Variants in ITGB4 observed in about 807,000 individuals in gnomAD.
ITGB4 encodes integrin beta-4.
Under a neutral mutation model 207.6 loss-of-function variants are expected in ITGB4, and 159 were observed. That is an observed-to-expected ratio of 0.77 (90% CI 0.67 to 0.87). ITGB4 has a LOEUF of 0.87. ITGB4 is among the 40% of genes least tolerant of loss of function. ITGB4 has a pLI of 0.00. For missense variants in ITGB4, 2,278 were observed against 2,546.8 expected (o/e 0.89, Z 2.27); for synonymous variants, 1,020 against 1,062.7 (o/e 0.96, Z 0.78).
In ITGB4 at chr17:75,733,679, G is replaced by A; in HGVS notation, c.1644G>A (p.Gly548=). The stretch of plus-strand genomic sequence containing the variant: ...ACTTCCAGTGTCCCCGCACTTCCGG[G>A]TTCCTCTGCAATGGTGAGCACAACA... The part of the protein sequence containing the change: ...YDNFQCPRTS[G]FLCNDRGRCS... The change falls in exon 13 of 40, where the codon GGG becomes GGA. Residue 548 remains glycine, a synonymous_variant. Coordinates refer to ENST00000200181, the MANE Select transcript of ITGB4 (RefSeq NM_000213.5). The A allele has an allele frequency of 1.2e-6, 2 of 1,614,060 alleles. No individual in the cohort carries two copies. The highest frequency in any genetic ancestry group is 4.5e-5 in the East Asian group (2 of 44,892).
At position 75,736,639 on chromosome 17, in the gene ITGB4, G is replaced by A; in HGVS notation, c.1935G>A (p.Gly645=). The A allele has an allele frequency of 6.2e-7, 1 of 1,600,836 alleles. No individual in the cohort carries two copies. Among genetic ancestry groups the A allele is most frequent in the Non-Finnish European group, 8.5e-7 (1 of 1,174,718 alleles). ...CGTGGGGCACCGGCGAGAAGAAGGG[G>A]CGCACGTGTGAGGAATGCAACTTCA... is the stretch of plus-strand genomic sequence containing the variant. ...CQAWGTGEKK[G]RTCEECNFKV... The change falls in exon 16 of 40, where the codon GGG becomes GGA. Residue 645 remains glycine (G), a synonymous_variant. Coordinates refer to ENST00000200181, the MANE Select transcript of ITGB4 (RefSeq NM_000213.5).
chr17:75,722,719 C>T lies in ITGB4; in HGVS notation c.-11+1107C>T, dbSNP rs1361719353. On this transcript the variant is annotated intron_variant, in intron 1 of 39. Coordinates refer to ENST00000200181, the MANE Select transcript of ITGB4 (RefSeq NM_000213.5). The surrounding 1 kb of genome is among the most constrained non-coding windows in gnomAD (Gnocchi z 6.2). ...GGGTCCCCAGGGGTTGGGATGGGGG[C>T]CAGGGGAGCTCTGAGCCTGTGGGTG... Among the ~76,000 whole-genome samples, 2 of 143,664 alleles carry T rather than the reference C, an allele frequency of 1.4e-5. No homozygotes were observed. The highest frequency in any genetic ancestry group is 5.2e-5 in the African/African-American group (2 of 38,522). The allele number at this position is 143,664 out of a possible 152,430, so 94.2% of individuals were successfully genotyped here. A position where few individuals can be genotyped will look rare whatever the true frequency, so the allele number is the denominator to read the frequency against.
At chr17:75,741,059 C>T (rs1407032454) in intron 23 of ITGB4, 54 bp downstream of exon 23, 1 of 1,592,920 alleles carries the variant, frequency 6.3e-7, no homozygotes, top group Non-Finnish European at 8.5e-7. Context: ...CGCCTGTCCC[C>T]AGCCCAGCCA....
chr17:75,735,951 T>A, intron 13 of ITGB4, 100 bp from the exon 14 acceptor site: 1 of 1,092,668 alleles, frequency 9.2e-7, no homozygotes, highest in South Asian at 1.2e-5. Flanking sequence ...GCACCCTGGC[T>A]CCCACAGCTC....
chr17:75,724,309 G>T (rs2060674296), intron 1 of ITGB4, among the ~76,000 whole-genome samples: 1 of 152,232 alleles, frequency 6.6e-6, no homozygotes, highest in Admixed American at 6.5e-5. Flanking sequence ...TCTCAGGGAG[G>T]CACCCTCATT....
Position 75,743,776 on chromosome 17 carries a change from G to T in ITGB4, c.3026G>T (p.Arg1009Leu), listed in dbSNP as rs377527264. The T allele has an allele frequency of 6.2e-7, 1 of 1,613,406 alleles. No individual in the cohort carries two copies. Among genetic ancestry groups the T allele is most frequent in the Non-Finnish European group, 8.5e-7 (1 of 1,179,956 alleles). The change falls in exon 26 of 40, where the codon CGC becomes CTC. Residue 1009 changes from arginine (R) to leucine (L), a missense_variant. By Grantham distance (102) the Arg-to-Leu change is moderately radical. Coordinates refer to ENST00000200181, the MANE Select transcript of ITGB4 (RefSeq NM_000213.5). ...GTCAGCCGCGGGGACCAGGTGGCCC[G>T]CATCCCTGTCATCCGGCGTGTCCTG... Reference protein sequence around the residue: ...FSVSRGDQVARIPVIRRVLDG... With the variant: ...FSVSRGDQVALIPVIRRVLDG...
rs1326108681 is a variant in ITGB4 at position 75,740,246 on chromosome 17, C to T, written c.2447-112C>T. ...CTCATGCCTCGGTGTGCGTGGCCTGCTGGCCAGGCATCCCCTGATCCTAGC... is the reference window on the plus strand; with the variant it reads ...CTCATGCCTCGGTGTGCGTGGCCTGTTGGCCAGGCATCCCCTGATCCTAGC... On this transcript the variant is annotated intron_variant, in intron 20 of 39. Coordinates refer to ENST00000200181, the MANE Select transcript of ITGB4 (RefSeq NM_000213.5). The surrounding 1 kb of genome is among the most constrained non-coding windows in gnomAD (Gnocchi z 5.9). 8.0e-7 allele frequency: 1 copy of T among 1,249,388 alleles called. No homozygotes were observed. The highest frequency in any genetic ancestry group is 1.1e-6 in the Non-Finnish European group (1 of 877,942). The allele number at this position is 1,249,388 out of a possible 1,614,324, so 77.4% of individuals were successfully genotyped here.
rs1443289189 is a variant in ITGB4 at position 75,733,586 on chromosome 17, G to C, written c.1551G>C (p.Glu517Asp). 6.2e-7 allele frequency: 1 copy of C among 1,614,150 alleles called. No individual in the cohort carries two copies. The highest frequency in any genetic ancestry group is 8.5e-7 in the Non-Finnish European group (1 of 1,180,038). Residue 517 changes from glutamate (E) to aspartate (D), a missense_variant, in exon 13 of 40, where the codon GAG (glutamate) becomes GAC (aspartate). Glu to Asp is a conservative substitution (Grantham distance 45). Coordinates refer to ENST00000200181, the MANE Select transcript of ITGB4 (RefSeq NM_000213.5). The part of the protein sequence containing the change: ...GEDKPCSGRG[E>D]CQCGHCVCYG... Reference sequence around the variant, plus strand: ...ACAAGCCGTGCTCCGGCCGTGGGGAGTGCCAGTGCGGGCACTGTGTGTGCT... The same window carrying C: ...ACAAGCCGTGCTCCGGCCGTGGGGACTGCCAGTGCGGGCACTGTGTGTGCT...
At position 75,740,524 on chromosome 17, in the gene ITGB4, GGCAGA is replaced by G; in HGVS notation, c.2550+66_2550+70del. 7.4e-7 allele frequency: 1 copy of G among 1,357,562 alleles called. No individual in the cohort carries two copies. The highest frequency in any genetic ancestry group is 1.1e-6 in the Non-Finnish European group (1 of 951,500). 84.1% of individuals were successfully genotyped at this position (1,357,562 alleles called of 1,614,324 possible). A position where few individuals can be genotyped will look rare whatever the true frequency, so the allele number is the denominator to read the frequency against. On this transcript the variant is annotated intron_variant, in intron 21 of 39. Coordinates refer to ENST00000200181, the MANE Select transcript of ITGB4 (RefSeq NM_000213.5). The surrounding 1 kb of genome is among the most constrained non-coding windows in gnomAD (Gnocchi z 5.9). ...GTATGAGGGCGGGTGAGGTGGGCAG[GGCAGA>G]GCGAATGCGGTCGTGGTACCGAGAT...
Position 75,732,335 on chromosome 17 carries a change from C to G in ITGB4, c.1454+96C>G. ...GGCCTGGCCCTGGGTGCACCTTGTA[C>G]ACCTGGCTGGGGGTGGGGCGGCAAT... On this transcript the variant is annotated intron_variant, in intron 12 of 39. Transcript: ENST00000200181. This position sits in a 1 kb window ranked among gnomAD's most constrained non-coding sequence, Gnocchi z 5.3. The G allele has an allele frequency of 8.2e-7, 1 of 1,219,672 alleles. No homozygotes were observed. Among genetic ancestry groups the G allele is most frequent in the Non-Finnish European group, 1.2e-6 (1 of 830,052 alleles). The allele number at this position is 1,219,672 out of a possible 1,614,324, so 75.6% of individuals were successfully genotyped here. A position where few individuals can be genotyped will look rare whatever the true frequency, so the allele number is the denominator to read the frequency against.
rs377428995 is a variant in ITGB4 at position 75,739,692 on chromosome 17, G to A, written c.2241G>A (p.Pro747=). 25 of 1,613,994 alleles carry A rather than the reference G, an allele frequency of 1.5e-5. No individual in the cohort carries two copies. Among genetic ancestry groups the A allele is most frequent in the Middle Eastern group, 3.3e-4 (2 of 6,082 alleles). ...ACCKACLALL[P]CCNRGHMVGF... is the part of the protein sequence containing the mutation. ...CCTAGGCCTGCCTGGCACTTCTCCC[G>A]TGCTGCAACCGAGGTATGGGCCTGG... is the stretch of plus-strand genomic sequence containing the variant. Residue 747 remains proline, a synonymous_variant, in exon 19 of 40, where the codon CCG becomes CCA. Transcript: ENST00000200181. This position sits in a 1 kb window ranked among gnomAD's most constrained non-coding sequence, Gnocchi z 5.4.
In ITGB4 at chr17:75,731,344, C is replaced by T. The variant is rs780184035; in HGVS notation, c.1191C>T (p.Ser397=). The change falls in exon 10 of 40, where the codon TCC becomes TCT. Residue 397 remains serine, a synonymous_variant. Transcript: ENST00000200181. The surrounding 1 kb of genome is among the most constrained non-coding windows in gnomAD (Gnocchi z 6.8). ...TGTTCCAGAAGACGAGGACTGGGTC[C>T]TTTCACATCCGGCGGGGGGAAGTGG... ...SKMFQKTRTG[S]FHIRRGEVGI... is the part of the protein sequence containing the mutation. 4 of 1,613,052 alleles carry T rather than the reference C, an allele frequency of 2.5e-6. No individual in the cohort carries two copies. Among genetic ancestry groups the T allele is most frequent in the South Asian group, 1.1e-5 (1 of 91,084 alleles).
At position 75,750,195 on chromosome 17, in the gene ITGB4, A is replaced by G. The variant is rs768641594; in HGVS notation, c.3401A>G (p.Asn1134Ser). 9.9e-6 allele frequency: 16 copies of G among 1,613,704 alleles called. No homozygotes were observed. Among genetic ancestry groups the G allele is most frequent in the East Asian group, 4.5e-5 (2 of 44,898 alleles). The change falls in exon 28 of 40, where the codon AAT becomes AGT. Residue 1134 changes from asparagine to serine, a missense_variant. Transcript: ENST00000200181. The surrounding 1 kb of genome is among the most constrained non-coding windows in gnomAD (Gnocchi z 5.5). ...HGDLGAPQNP[N>S]AKAAGSRKIH... ...GACCTGGGCGCCCCGCAGAACCCCA[A>G]TGCTAAGGCCGCTGGGTCCAGGAAG...
At chr17:75,743,535 T>C (rs1195081202) in intron 25 of ITGB4, among the ~76,000 whole-genome samples, 178 bp from the exon 26 acceptor site, 1 of 152,006 alleles carries the variant, frequency 6.6e-6, no homozygotes, top group Non-Finnish European at 1.5e-5. Flanking sequence ...GCCCGGCCCC[T>C]CATCTTTTTC....
intron 26 of ITGB4, among the ~76,000 whole-genome samples, chr17:75,746,585 A>G (rs1396921549): frequency 3.3e-5 from 5 of 150,428 alleles, no homozygotes; most frequent in African/African-American, 1.2e-4. Context: ...GCTGGTCTCA[A>G]ACTCCTAGGA....
Position 75,750,665 on chromosome 17 carries a change from T to C in ITGB4, c.3475-15T>C. 2.5e-6 allele frequency: 4 copies of C among 1,611,922 alleles called. No individual in the cohort carries two copies. Among genetic ancestry groups the C allele is most frequent in the Non-Finnish European group, 2.5e-6 (3 of 1,179,240 alleles). On this transcript the variant is annotated splice_polypyrimidine_tract_variant and intron_variant, in intron 28 of 39. Transcript: ENST00000200181. The surrounding 1 kb of genome is among the most constrained non-coding windows in gnomAD (Gnocchi z 5.5). ...GCTGCTCCCTGCTGACCAGGACCCC[T>C]GTCCCTGGGGGTAGGTAAAGTACTG...
Position 75,753,812 on chromosome 17 carries a change from C to T in ITGB4, c.4156C>T (p.Arg1386Trp). Residue 1386 changes from arginine to tryptophan, a missense_variant, in exon 33 of 40, where the codon CGG becomes TGG. Arg to Trp is a moderately radical substitution (Grantham distance 101). Transcript: ENST00000200181. ...EPLLGEELDL[R>W]RVTWRLPPEL... ...CCTGCTGGGGGAGGAGCTGGACCTGCGGCGCGTCACGTGGCGGCTGCCCCC... is the reference window on the plus strand; with the variant it reads ...CCTGCTGGGGGAGGAGCTGGACCTGTGGCGCGTCACGTGGCGGCTGCCCCC... 1 of 1,465,278 alleles carries T rather than the reference C, an allele frequency of 6.8e-7. No individual in the cohort carries two copies. Among genetic ancestry groups the T allele is most frequent in the Non-Finnish European group, 9.0e-7 (1 of 1,109,396 alleles). The allele number at this position is 1,465,278 out of a possible 1,614,324, so 90.8% of individuals were successfully genotyped here. A position where few individuals can be genotyped will look rare whatever the true frequency, so the allele number is the denominator to read the frequency against.
Position 75,739,878 on chromosome 17 carries a change from A to C in ITGB4, c.2255-2A>C. 6.2e-7 allele frequency: 1 copy of C among 1,613,554 alleles called. No individual in the cohort carries two copies. The highest frequency in any genetic ancestry group is 1.3e-5 in the African/African-American group (1 of 75,052). ...TGCCGTGCTGAGGACCCCATCCTGC[A>C]GGTCACATGGTGGGCTTTAAGGAAG... On this transcript the variant is annotated splice_acceptor_variant, in intron 19 of 39. Coordinates refer to ENST00000200181, the MANE Select transcript of ITGB4 (RefSeq NM_000213.5). LOFTEE classifies it high-confidence loss of function. This position sits in a 1 kb window ranked among gnomAD's most constrained non-coding sequence, Gnocchi z 5.4.
chr17:75,754,219 G>A (rs1362051078), intron 33 of ITGB4, among the ~76,000 whole-genome samples: 2 of 152,174 alleles, frequency 1.3e-5, no homozygotes, highest in African/African-American at 4.8e-5. Flanking sequence ...CCCGGGAAGC[G>A]GACCCTGGCA....
Sources: gnomAD v4.1 joint callset for allele counts (sites outside exome capture counted in the v4.1 genomes callset) on GRCh38, gnomAD v4.1.1 for gene constraint, Gnocchi (gnomAD v3.1) non-coding constraint, MANE v1.5 for transcripts, NCBI Gene and HGNC (gene_info 2026-07-23, HGNC 2026-07-21) for gene names.